Variants in HAS3 observed in about 807,000 individuals in gnomAD.
HAS3 encodes hyaluronan synthase 3.
HAS3 carries 27 observed loss-of-function variants against 50.3 expected under a neutral mutation model. The ratio of observed to expected loss-of-function variants is 0.54; its 90% CI spans 0.40 to 0.74. HAS3 has a LOEUF of 0.74. Ranked by LOEUF, HAS3 falls within the 30% of genes least tolerant of loss-of-function variation. The pLI is 0.00. For synonymous variants in HAS3, 339 were observed against 310.9 expected, an observed-to-expected ratio of 1.09 and a Z score of -0.95; for missense variants, 517 against 742.8, an observed-to-expected ratio of 0.70 and a Z score of 3.53.
rs922120279 is a variant in HAS3 at position 69,106,453 on chromosome 16, T to A, written c.-1+666T>A. ...AGCTCCCAGCCCTGCGGGCGCCGCGTCCGGCGCGGGGAGGCGGGTTGGGGG... is the reference window on the plus strand; with the variant it reads ...AGCTCCCAGCCCTGCGGGCGCCGCGACCGGCGCGGGGAGGCGGGTTGGGGG... On this transcript the variant is annotated intron_variant, in intron 1 of 3. Coordinates refer to ENST00000569188, the MANE Select transcript of HAS3 (RefSeq NM_001199280.2). The surrounding 1 kb of genome is among the most constrained non-coding windows in gnomAD (Gnocchi z 5.5). The A allele has an allele frequency of 4.0e-5, 6 of 150,214 alleles. No homozygotes were observed. The highest frequency in any genetic ancestry group is 7.4e-5 in the Non-Finnish European group (5 of 67,382). 9.3% of individuals were successfully genotyped at this position (150,214 alleles called of 1,614,324 possible). A position where few individuals can be genotyped will look rare whatever the true frequency, so the allele number is the denominator to read the frequency against.
At position 69,109,218 on chromosome 16, in the gene HAS3, G is replaced by C. The variant is rs1376234247; in HGVS notation, c.1-178G>C. On this transcript the variant is annotated intron_variant, in intron 1 of 3. Coordinates refer to ENST00000569188, the MANE Select transcript of HAS3 (RefSeq NM_001199280.2). The surrounding 1 kb of genome is among the most constrained non-coding windows in gnomAD (Gnocchi z 5.3). ...AAGGGGGCACAGACATCAAGTGGCA[G>C]AGCTGGGATCTGAACCCCAGTAGTC... Among the ~76,000 whole-genome samples the C allele has an allele frequency of 6.6e-6, 1 of 152,258 alleles. No individual in the cohort carries two copies. Among genetic ancestry groups the C allele is most frequent in the Non-Finnish European group, 1.5e-5 (1 of 68,052 alleles).
rs1328602195 is a variant in HAS3 at position 69,109,053 on chromosome 16, C to T, written c.1-343C>T. ...CCAGGTAGAGCCCAGTTCTGCCACC[C>T]ACCAGCCAGATGTCACGTGACCCTC... is the stretch of plus-strand genomic sequence containing the variant. On this transcript the variant is annotated intron_variant, in intron 1 of 3. Coordinates refer to ENST00000569188, the MANE Select transcript of HAS3 (RefSeq NM_001199280.2). This position sits in a 1 kb window ranked among gnomAD's most constrained non-coding sequence, Gnocchi z 5.3. Among the ~76,000 whole-genome samples, 1 of 152,184 alleles carries T rather than the reference C, an allele frequency of 6.6e-6. No homozygotes were observed. The highest frequency in any genetic ancestry group is 1.5e-5 in the Non-Finnish European group (1 of 68,046).
At chr16:69,118,522 A>T (rs1229061651), downstream of HAS3, 1 of 985,384 alleles carries the variant, frequency 1.0e-6, no homozygotes, top group South Asian at 1.3e-5. Flanking sequence ...AGGCCAATGT[A>T]TCCCTGAGGA....
chr16:69,107,777 G>A lies in HAS3; in HGVS notation c.1-1619G>A. On this transcript the variant is annotated intron_variant, in intron 1 of 3. Coordinates refer to ENST00000569188, the MANE Select transcript of HAS3 (RefSeq NM_001199280.2). This position sits in a 1 kb window ranked among gnomAD's most constrained non-coding sequence, Gnocchi z 5.5. Reference sequence around the variant, plus strand: ...TCCTGGGCCGCAGGCGCGAGCAGTAGGGTGGCAACAGGGAGGGCTGGGAGT... The same window carrying A: ...TCCTGGGCCGCAGGCGCGAGCAGTAAGGTGGCAACAGGGAGGGCTGGGAGT... 1.1e-6 allele frequency: 1 copy of A among 880,178 alleles called. No individual in the cohort carries two copies. Among genetic ancestry groups the A allele is most frequent in the Non-Finnish European group, 1.4e-6 (1 of 733,608 alleles). 54.5% of individuals were successfully genotyped at this position (880,178 alleles called of 1,614,324 possible).
chr16:69,107,922 T>C lies in HAS3; in HGVS notation c.1-1474T>C, dbSNP rs1226455832. 6.6e-6 allele frequency among the ~76,000 whole-genome samples: 1 copy of C among 152,238 alleles called. No individual in the cohort carries two copies. Among genetic ancestry groups the C allele is most frequent in the East Asian group, 1.9e-4 (1 of 5,192 alleles). ...TTTCGGGCCAACGCTGCTGGAAGGC[T>C]GCTAGTGCCGGAGTCTCAGGTCGAT... On this transcript the variant is annotated intron_variant, in intron 1 of 3. Transcript: ENST00000569188. The surrounding 1 kb of genome is among the most constrained non-coding windows in gnomAD (Gnocchi z 5.5).
chr16:69,099,190 C>CTCGATCTCCT, the HAS3 span, among the ~76,000 whole-genome samples: 1 of 151,862 alleles, frequency 6.6e-6, no homozygotes, highest in South Asian at 2.1e-4. Flanking sequence ...CCAGGATGGT[C>CTCGATCTCCT]TCGATCTCCT....
At chr16:69,084,168 T>C in the HAS3 span, 1 of 152,520 alleles carries the variant, frequency 6.6e-6, no homozygotes, top group East Asian at 1.9e-4. Flanking sequence ...GGGAAGGAAA[T>C]AGTTATCAAA....
chr16:69,103,035 G>GTGTGTGTGTA (rs1178042685), upstream of HAS3, among the ~76,000 whole-genome samples: 1 of 149,688 alleles, frequency 6.7e-6, no homozygotes, highest in Non-Finnish European at 1.5e-5. Context: ...GTGTGTGTGT[G>GTGTGTGTGTA]TGTGTGTTTC....
chr16:69,115,691 T>C lies in HAS3; in HGVS notation c.*425T>C. The C allele has an allele frequency of 1.0e-6, 1 of 992,164 alleles. No individual in the cohort carries two copies. The highest frequency in any genetic ancestry group is 1.7e-5 in the African/African-American group (1 of 57,548). 61.5% of individuals were successfully genotyped at this position (992,164 alleles called of 1,614,324 possible). On this transcript the variant is annotated 3_prime_UTR_variant, in exon 4 of 4. Coordinates refer to ENST00000569188, the MANE Select transcript of HAS3 (RefSeq NM_001199280.2). ...CAACCAGAGGTGGCAGGAGAATTTC[T>C]ACTGAGCGAGCTGGGCCGGTTAGTG...
rs774039558 is a variant in HAS3, at chr16:69,117,194, C to T, written c.*1928C>T. 16 of 985,746 alleles carry T rather than the reference C, an allele frequency of 1.6e-5. No homozygotes were observed. Among genetic ancestry groups the T allele is most frequent in the African/African-American group, 7.0e-5 (4 of 57,230 alleles). 61.1% of individuals were successfully genotyped at this position (985,746 alleles called of 1,614,324 possible). The stretch of plus-strand genomic sequence containing the variant: ...TTTGAGCATTAGAATGGAGGAAATC[C>T]GGTCAGCCAAGTGCAGAGTTCAGAC... On this transcript the variant is annotated 3_prime_UTR_variant, in exon 4 of 4. Transcript: ENST00000569188.
chr16:69,083,509 C>A, the HAS3 span: 1 of 1,612,274 alleles, frequency 6.2e-7, no homozygotes, highest in African/African-American at 1.3e-5. Context: ...CCTCAAGGAT[C>A]TCTACCACCT....
chr16:69,105,030 C>A (rs1465426553), upstream of HAS3, among the ~76,000 whole-genome samples: 3 of 76,818 alleles, frequency 3.9e-5, no homozygotes, highest in African/African-American at 5.5e-5. Flanking sequence ...TTTTTGGAGA[C>A]GGAGTCTCGC....
chr16:69,107,407 CAGGG>C lies in HAS3; in HGVS notation c.-1+1621_-1+1624del. 3 of 985,554 alleles carry C rather than the reference CAGGG, an allele frequency of 3.0e-6. No individual in the cohort carries two copies. Among genetic ancestry groups the C allele is most frequent in the Non-Finnish European group, 3.6e-6 (3 of 829,988 alleles). The allele number at this position is 985,554 out of a possible 1,614,324, so 61.1% of individuals were successfully genotyped here. A position where few individuals can be genotyped will look rare whatever the true frequency, so the allele number is the denominator to read the frequency against. ...AAGGTAGCTGGGGTACCAGGAAGAGCAGGGCCTGGTCCGACTGGGATCCCTTGGG... is the reference window on the plus strand; with the variant it reads ...AAGGTAGCTGGGGTACCAGGAAGAGCCCTGGTCCGACTGGGATCCCTTGGG... On this transcript the variant is annotated intron_variant, in intron 1 of 3. Coordinates refer to ENST00000569188, the MANE Select transcript of HAS3 (RefSeq NM_001199280.2). This position sits in a 1 kb window ranked among gnomAD's most constrained non-coding sequence, Gnocchi z 5.5.
Position 69,109,310 on chromosome 16 carries a change from C to T in HAS3, c.1-86C>T. On this transcript the variant is annotated intron_variant, in intron 1 of 3. Coordinates refer to ENST00000569188, the MANE Select transcript of HAS3 (RefSeq NM_001199280.2). The surrounding 1 kb of genome is among the most constrained non-coding windows in gnomAD (Gnocchi z 5.3). The stretch of plus-strand genomic sequence containing the variant: ...ACGGTTTTGATCAGTGGGTCATGTC[C>T]ACTAGTAACAGAGAACACCCATGCT... The T allele has an allele frequency of 7.4e-7, 1 of 1,345,630 alleles. No homozygotes were observed. Among genetic ancestry groups the T allele is most frequent in the Non-Finnish European group, 1.0e-6 (1 of 984,980 alleles). 83.4% of individuals were successfully genotyped at this position (1,345,630 alleles called of 1,614,324 possible). A position where few individuals can be genotyped will look rare whatever the true frequency, so the allele number is the denominator to read the frequency against.
intron 2 of HAS3, among the ~76,000 whole-genome samples, chr16:69,111,830 T>C (rs1961012516): frequency 6.6e-6 from 1 of 152,168 alleles, no homozygotes; most frequent in Non-Finnish European, 1.5e-5. Flanking sequence ...ACAGTGACTT[T>C]GTCATCTATT....
chr16:69,110,464 C>T (rs920195602), intron 2 of HAS3, among the ~76,000 whole-genome samples: 6 of 152,058 alleles, frequency 3.9e-5, no homozygotes, highest in African/African-American at 9.7e-5. Flanking sequence ...TGGAGTGCAA[C>T]GGCTATTTAA....
chr16:69,108,500 T>C (rs1398085102), intron 1 of HAS3, among the ~76,000 whole-genome samples: 1 of 152,140 alleles, frequency 6.6e-6, no homozygotes, highest in African/African-American at 2.4e-5. Flanking sequence ...TAGTTGCAAA[T>C]GGAAACCGGG....
At chr16:69,111,644 T>C (rs930432712) in intron 2 of HAS3, among the ~76,000 whole-genome samples, 3 of 152,174 alleles carry the variant, frequency 2.0e-5, no homozygotes, top group Non-Finnish European at 2.9e-5. Context: ...AGGGTTGATA[T>C]GTTTATCTTT....
chr16:69,100,692 C>T (rs1960688220), upstream of HAS3, among the ~76,000 whole-genome samples: 1 of 152,126 alleles, frequency 6.6e-6, no homozygotes, highest in Admixed American at 6.6e-5. Context: ...CTGCAGCTTC[C>T]GGCACTGGTG....
Sources: allele counts gnomAD v4.1 joint callset (sites outside exome capture counted in the v4.1 genomes callset), GRCh38; gene constraint gnomAD v4.1.1; non-coding constraint Gnocchi (gnomAD v3.1); transcripts MANE v1.5; gene names NCBI Gene and HGNC (gene_info 2026-07-23, HGNC 2026-07-21).